The following MATCAP2 variants were observed in gnomAD, a reference collection of about 807,000 sequenced individuals.
MATCAP2 encodes the protein microtubule associated tyrosine carboxypeptidase 2.
the MATCAP2 span, among the ~76,000 whole-genome samples, chr7:36,360,345 A>G: frequency 6.6e-6 from 1 of 152,134 alleles, no homozygotes; most frequent in Non-Finnish European, 1.5e-5. Flanking sequence ...CAAAATACTC[A>G]AGGAGGAATG....
At chr7:36,366,623 T>C in the MATCAP2 span, 1 of 1,477,246 alleles carries the variant, frequency 6.8e-7, no homozygotes. Context: ...GATTTAACAA[T>C]CTTTGGATTG....
At chr7:36,373,415 AG>A in the MATCAP2 span, among the ~76,000 whole-genome samples, 1 of 152,138 alleles carries the variant, frequency 6.6e-6, no homozygotes, top group Non-Finnish European at 1.5e-5. Flanking sequence ...GAAGAATAAG[AG>A]TCGGAATTTT....
the MATCAP2 span, among the ~76,000 whole-genome samples, chr7:36,340,358 T>C: frequency 2.0e-5 from 3 of 152,196 alleles, no homozygotes; most frequent in Non-Finnish European, 4.4e-5. Context: ...AATGAATGAC[T>C]AAATCAAAGA....
At chr7:36,353,916 A>G in the MATCAP2 span, among the ~76,000 whole-genome samples, 3 of 152,230 alleles carry the variant, frequency 2.0e-5, no homozygotes, top group African/African-American at 7.2e-5. Context: ...TTTTATCTGA[A>G]GTATTTACTG....
At chr7:36,337,097 T>C in the MATCAP2 span, among the ~76,000 whole-genome samples, 2 of 1,412 alleles carry the variant, frequency 1.4e-3, no homozygotes, top group African/African-American at 1.9e-3. Flanking sequence ...AAACTCCATC[T>C]CAAAAAAAAA....
chr7:36,335,262 G>A, the MATCAP2 span: 1 of 1,230,384 alleles, frequency 8.1e-7, no homozygotes. Flanking sequence ...CAATGGGCCT[G>A]TAAATTAACA....
the MATCAP2 span, among the ~76,000 whole-genome samples, chr7:36,377,428 C>T: frequency 6.6e-6 from 1 of 152,082 alleles, no homozygotes; most frequent in Non-Finnish European, 1.5e-5. Flanking sequence ...GAATATTGGC[C>T]CCCACTCTCT....
At chr7:36,390,074 T>C in the MATCAP2 span, 2 of 1,613,208 alleles carry the variant, frequency 1.2e-6, no homozygotes, top group Non-Finnish European at 1.7e-6. Flanking sequence ...CAGCCAGCCA[T>C]GACCCACCGC....
chr7:36,385,748 T>C, the MATCAP2 span, among the ~76,000 whole-genome samples: 518 of 150,076 alleles, frequency 3.5e-3, 6 homozygotes, highest in African/African-American at 0.012. Context: ...ATCGTGCCAC[T>C]GCACTCCAGC....
At chr7:36,372,325 GA>G in the MATCAP2 span, among the ~76,000 whole-genome samples, 6 of 150,496 alleles carry the variant, frequency 4.0e-5, no homozygotes, top group African/African-American at 9.8e-5. Context: ...AAAAGAGGAG[GA>G]AAAAAAAAGA....
At chr7:36,341,453 T>G in the MATCAP2 span, among the ~76,000 whole-genome samples, 1 of 152,226 alleles carries the variant, frequency 6.6e-6, no homozygotes, top group Admixed American at 6.5e-5. Context: ...GTTTTAATTT[T>G]CTGCATTGCT....
the MATCAP2 span, chr7:36,333,842 T>G: frequency 2.5e-6 from 4 of 1,582,074 alleles, no homozygotes; most frequent in Admixed American, 1.8e-5. Context: ...AACCTAGAGT[T>G]AAGGGACACC....
At chr7:36,370,706 C>T in the MATCAP2 span, among the ~76,000 whole-genome samples, 16 of 152,352 alleles carry the variant, frequency 1.1e-4, no homozygotes, top group African/African-American at 3.6e-4. Flanking sequence ...GTCTCGAACT[C>T]CTGACCTCAG....
At chr7:36,328,963 A>G in the MATCAP2 span, among the ~76,000 whole-genome samples, 10,560 of 152,106 alleles carry the variant, frequency 0.069, 495 homozygotes, top group Non-Finnish European at 0.11. Flanking sequence ...GAATTGCTTG[A>G]ACCCAGGAGG....
chr7:36,346,554 T>G, the MATCAP2 span, among the ~76,000 whole-genome samples: 1 of 152,170 alleles, frequency 6.6e-6, no homozygotes, highest in Non-Finnish European at 1.5e-5. Context: ...ATGATTCCAT[T>G]CATATCGAAA....
At chr7:36,349,400 T>C in the MATCAP2 span, among the ~76,000 whole-genome samples, 1 of 152,200 alleles carries the variant, frequency 6.6e-6, no homozygotes, top group Non-Finnish European at 1.5e-5. Flanking sequence ...TTCAAAATAT[T>C]ATATTCTACC....
At chr7:36,352,555 C>T in the MATCAP2 span, among the ~76,000 whole-genome samples, 18 of 151,588 alleles carry the variant, frequency 1.2e-4, no homozygotes, top group East Asian at 2.3e-3. Context: ...GGGCCGGGCA[C>T]GGTGGCTCAT....
At chr7:36,371,816 A>G in the MATCAP2 span, among the ~76,000 whole-genome samples, 11 of 152,088 alleles carry the variant, frequency 7.2e-5, no homozygotes, top group African/African-American at 2.7e-4. Context: ...GCTGGAGTGC[A>G]GTGGCGCGAT....
the MATCAP2 span, chr7:36,367,156 A>G: frequency 3.3e-6 from 4 of 1,215,028 alleles, no homozygotes; most frequent in Middle Eastern, 3.2e-4. Flanking sequence ...TAGCTACTGG[A>G]AGGTACACAC....
Sources: gnomAD v4.1 joint callset for allele counts (sites outside exome capture counted in the v4.1 genomes callset) on GRCh38, gnomAD v4.1.1 for gene constraint, MANE v1.5 for transcripts, NCBI Gene and HGNC (gene_info 2026-07-23, HGNC 2026-07-21) for gene names.